The following CTNNA2 variants were observed in gnomAD, a reference collection of about 807,000 sequenced individuals.
CTNNA2 encodes the protein catenin alpha 2.
In CTNNA2, 42 loss-of-function variants were observed where a neutral mutation model predicts 101.0. The ratio of observed to expected loss-of-function variants is 0.42; its 90% confidence interval spans 0.32 to 0.54. The LOEUF (loss-of-function observed/expected upper bound fraction) is 0.54. CTNNA2 is among the 20% of genes least tolerant of loss of function. The probability of loss-of-function intolerance (pLI) is 0.14; values close to 1 mark genes in which losing one functional copy is unlikely to be tolerated. For missense variants in CTNNA2, 871 were observed against 1,223.1 expected, an observed-to-expected ratio of 0.71 and a Z score of 4.29; for synonymous variants, 450 against 456.4, an observed-to-expected ratio of 0.99 and a Z score of 0.18.
At chr2:79,638,583 C>T (rs1212794956) in intron 1 of CTNNA2, among the ~76,000 whole-genome samples, 1 of 152,160 alleles carries the variant, frequency 6.6e-6, no homozygotes, top group East Asian at 1.9e-4. Flanking sequence ...TTCCCACTTA[C>T]TGTAGCTGCC....
chr2:80,216,230 C>T (rs1708262035), intron 7 of CTNNA2, among the ~76,000 whole-genome samples: 1 of 152,138 alleles, frequency 6.6e-6, no homozygotes, highest in Non-Finnish European at 1.5e-5. Flanking sequence ...GATGCCCCGC[C>T]CTGCTTCGGC....
intron 17 of CTNNA2, among the ~76,000 whole-genome samples, chr2:80,618,343 TCTAA>T (rs1157371602): frequency 1.3e-5 from 2 of 151,820 alleles, no homozygotes; most frequent in South Asian, 2.1e-4. Flanking sequence ...GAAGATGAAC[TCTAA>T]CTACTCCTTT....
intron 18 of CTNNA2, among the ~76,000 whole-genome samples, chr2:80,634,501 A>C (rs1360640981): frequency 6.8e-6 from 1 of 146,258 alleles, no homozygotes; most frequent in Non-Finnish European, 1.5e-5. Context: ...GCAAAATCAG[A>C]AGTATTGGGC....
chr2:80,416,541 T>C (rs1289343890), intron 8 of CTNNA2, among the ~76,000 whole-genome samples: 3 of 152,118 alleles, frequency 2.0e-5, no homozygotes, highest in Admixed American at 6.6e-5. Context: ...CTTCTACCTT[T>C]AAACGCAATA....
At chr2:80,479,089 AC>A (rs1199435942) in intron 9 of CTNNA2, among the ~76,000 whole-genome samples, 1 of 151,694 alleles carries the variant, frequency 6.6e-6, no homozygotes, top group Non-Finnish European at 1.5e-5. Flanking sequence ...GAGATCTCTC[AC>A]CTTCTTGGTT....
intron 2 of CTNNA2, among the ~76,000 whole-genome samples, chr2:79,736,192 A>G (rs1670864163): frequency 6.6e-6 from 1 of 152,176 alleles, no homozygotes. Flanking sequence ...TCTGATGTGT[A>G]CAACATACAA....
chr2:79,911,973 T>C (rs563166895), intron 7 of CTNNA2, among the ~76,000 whole-genome samples: 1 of 152,314 alleles, frequency 6.6e-6, no homozygotes, highest in South Asian at 2.1e-4. Flanking sequence ...ATCCATGCCC[T>C]GACTGAAAAG....
chr2:80,347,685 G>GA (rs34243271), intron 7 of CTNNA2, among the ~76,000 whole-genome samples: 41,772 of 151,686 alleles, frequency 0.28, 6,286 homozygotes, highest in East Asian at 0.51. Context: ...ACTGGATTTA[G>GA]GGTTGCTACT....
chr2:80,481,753 A>G (rs571142325), intron 9 of CTNNA2, among the ~76,000 whole-genome samples: 2 of 152,254 alleles, frequency 1.3e-5, no homozygotes, highest in African/African-American at 2.4e-5. Context: ...TGCAGCCTCT[A>G]TGGATCACGG....
intron 18 of CTNNA2, among the ~76,000 whole-genome samples, chr2:80,639,513 A>ATGTGTGTGTGTGTGTGTGTGTGTGTGTG (rs112045877): frequency 6.8e-6 from 1 of 147,408 alleles, no homozygotes; most frequent in Non-Finnish European, 1.5e-5. Flanking sequence ...CCCAGCCTTG[A>ATGTGTGTGTGTGTGTGTGTGTGTGTGTG]TGTGTGTGTG....
intron 3 of CTNNA2, among the ~76,000 whole-genome samples, chr2:79,782,960 G>C (rs528678560): frequency 5.2e-4 from 68 of 131,160 alleles, no homozygotes; most frequent in Middle Eastern, 7.5e-3. Context: ...CTTCTTTCTT[G>C]ACAGTCTTTT....
chr2:79,774,420 T>C (rs116633871), intron 3 of CTNNA2, among the ~76,000 whole-genome samples: 4,201 of 152,204 alleles, frequency 0.028, 86 homozygotes, highest in South Asian at 0.13. Flanking sequence ...TAAATGGTTA[T>C]TGGTTTAAGA....
In CTNNA2 at chr2:80,127,769, C is replaced by T. The variant is rs189003164; in HGVS notation, c.1056+217972C>T. Among the ~76,000 whole-genome samples, 4 of 152,166 alleles carry T rather than the reference C, an allele frequency of 2.6e-5. No homozygotes were observed. In the East Asian group the frequency reaches 7.7e-4, roughly 29 times the overall value. ...CTAATGCCAAATGTGTCATTTTGAC[C>T]ATTTACTGAAGTGCAACTCTCTGGA... On this transcript the variant is annotated intron_variant, in intron 7 of 18. Transcript: ENST00000402739.
intron 7 of CTNNA2, among the ~76,000 whole-genome samples, chr2:80,025,302 C>A (rs1694863425): frequency 6.6e-6 from 1 of 152,122 alleles, no homozygotes; most frequent in South Asian, 2.1e-4. Flanking sequence ...TCGCCAGGGA[C>A]CCACCCTCTT....
chr2:79,598,948 C>T (rs1458375705), intron 1 of CTNNA2, among the ~76,000 whole-genome samples: 1 of 152,138 alleles, frequency 6.6e-6, no homozygotes, highest in Non-Finnish European at 1.5e-5. Context: ...TTTATGTTTA[C>T]ATCTGTGATC....
intron 3 of CTNNA2, among the ~76,000 whole-genome samples, chr2:79,820,079 A>G (rs546061870): frequency 2.1e-4 from 26 of 120,960 alleles, no homozygotes; most frequent in African/African-American, 8.7e-4. Flanking sequence ...TCAGATAAAT[A>G]TATGTAATAT....
At chr2:79,667,430 C>T (rs1682498019) in intron 2 of CTNNA2, among the ~76,000 whole-genome samples, 1 of 152,104 alleles carries the variant, frequency 6.6e-6, no homozygotes, top group Non-Finnish European at 1.5e-5. Context: ...TTGCTTTTAC[C>T]TGGAGGGTTC....
chr2:79,268,611 A>G (rs1248244542), intron 2 of CTNNA2, among the ~76,000 whole-genome samples: 2 of 152,100 alleles, frequency 1.3e-5, no homozygotes, highest in Admixed American at 1.3e-4. Flanking sequence ...GTCTGAAGCC[A>G]GGGGCAGTCT....
At chr2:80,329,810 C>G (rs1277385355) in intron 7 of CTNNA2, among the ~76,000 whole-genome samples, 1 of 152,180 alleles carries the variant, frequency 6.6e-6, no homozygotes, top group Non-Finnish European at 1.5e-5. Context: ...ATGTATGTTC[C>G]CTAGCCACAA....
Sources: gnomAD v4.1 joint callset for allele counts (sites outside exome capture counted in the v4.1 genomes callset) on GRCh38, gnomAD v4.1.1 for gene constraint, MANE v1.5 for transcripts, NCBI Gene and HGNC (gene_info 2026-07-23, HGNC 2026-07-21) for gene names.